The following LYAR variants were observed in gnomAD, a reference collection of about 807,000 sequenced individuals.
LYAR encodes the protein cell growth-regulating nucleolar protein.
In LYAR, 37 loss-of-function variants were observed where a neutral mutation model predicts 45.2. The ratio of observed to expected loss-of-function variants is 0.82; its 90% CI spans 0.63 to 1.08. LYAR has a LOEUF of 1.08. Among genes scored for constraint, LYAR ranks in the 50% least tolerant of loss-of-function variants. The probability of loss-of-function intolerance (pLI) is 0.00; values close to 1 mark genes in which losing one functional copy is unlikely to be tolerated. For missense variants in LYAR, 493 were observed against 451.0 expected, an observed-to-expected ratio of 1.09 and a Z score of -0.84; for synonymous variants, 176 against 155.1, an observed-to-expected ratio of 1.14 and a Z score of -1.00.
intron 8 of LYAR, among the ~76,000 whole-genome samples, chr4:4,270,775 C>T (rs10937831): frequency 0.4 from 60,189 of 152,002 alleles, 13,461 homozygotes; most frequent in South Asian, 0.57. Flanking sequence ...ACAGTGGCAA[C>T]GCCTAATATT....
intron 1 of LYAR, among the ~76,000 whole-genome samples, chr4:4,289,161 T>C (rs1161988461): frequency 6.6e-6 from 1 of 152,216 alleles, no homozygotes; most frequent in Non-Finnish European, 1.5e-5. Flanking sequence ...CCCTTGTTCC[T>C]TGCAAAAGCC....
At chr4:4,272,493 TAA>T (rs1718975508) in intron 8 of LYAR, among the ~76,000 whole-genome samples, 1 of 152,154 alleles carries the variant, frequency 6.6e-6, no homozygotes, top group Non-Finnish European at 1.5e-5. Flanking sequence ...TGAGGCACAG[TAA>T]AAGATTATCA....
chr4:4,271,263 C>G (rs983169976), intron 8 of LYAR, among the ~76,000 whole-genome samples: 1 of 152,188 alleles, frequency 6.6e-6, no homozygotes, highest in African/African-American at 2.4e-5. Context: ...TGAAAACATG[C>G]TATGCTTGTC....
At chr4:4,282,447 C>A (rs1165853461) in intron 3 of LYAR, among the ~76,000 whole-genome samples, 2 of 152,178 alleles carry the variant, frequency 1.3e-5, no homozygotes, top group African/African-American at 4.8e-5. Flanking sequence ...AGGGCAAAGT[C>A]CCCTAATGAA....
At chr4:4,288,210 C>A (rs1270356697) in intron 1 of LYAR, among the ~76,000 whole-genome samples, 1 of 152,166 alleles carries the variant, frequency 6.6e-6, no homozygotes, top group Non-Finnish European at 1.5e-5. Context: ...TTCATCCCTG[C>A]CCAATTGTAG....
intron 3 of LYAR, among the ~76,000 whole-genome samples, chr4:4,282,777 C>T (rs1051547703): frequency 2.0e-5 from 3 of 152,196 alleles, no homozygotes; most frequent in Non-Finnish European, 2.9e-5. Context: ...ACAGAGGCCT[C>T]CTCAGTGGAA....
At chr4:4,268,318 G>A (rs957524645) in intron 9 of LYAR, among the ~76,000 whole-genome samples, 1 of 152,092 alleles carries the variant, frequency 6.6e-6, no homozygotes, top group Non-Finnish European at 1.5e-5. Flanking sequence ...TTAAATAAAT[G>A]GAGCCTCTCT....
At chr4:4,273,909 A>G (rs1334332345) in intron 7 of LYAR, among the ~76,000 whole-genome samples, 1 of 152,220 alleles carries the variant, frequency 6.6e-6, no homozygotes, top group African/African-American at 2.4e-5. Flanking sequence ...CTGCCTGGCC[A>G]CAAAGCTTAT....
chr4:4,278,376 C>CAA (rs1719273080), intron 6 of LYAR, among the ~76,000 whole-genome samples: 1 of 152,174 alleles, frequency 6.6e-6, no homozygotes, highest in Admixed American at 6.5e-5. Context: ...ACAATGTAAT[C>CAA]AACAATGTGG....
chr4:4,279,834 T>A, intron 4 of LYAR, 85 bp from the exon 5 acceptor site: 1 of 841,528 alleles, frequency 1.2e-6, no homozygotes, highest in Non-Finnish European at 1.9e-6. Context: ...GTCCTTGCCA[T>A]GGCTAAAGCG....
chr4:4,273,974 T>C (rs1381728547), intron 7 of LYAR, among the ~76,000 whole-genome samples: 4 of 152,164 alleles, frequency 2.6e-5, no homozygotes, highest in African/African-American at 7.2e-5. Context: ...CGGTAGCTCA[T>C]GCCTGTAACC....
chr4:4,274,449 CT>C lies in LYAR; in HGVS notation c.749del (p.Lys250ArgfsTer38). The C allele has an allele frequency of 6.2e-7, 1 of 1,614,110 alleles. No homozygotes were observed. The highest frequency in any genetic ancestry group is 8.5e-7 in the Non-Finnish European group (1 of 1,179,978). ...CGCTGTCCTTGCGCTGCTTCTTCTT[CT>C]TGCTCCTCTTCCCTGCAGAGCCATT... The part of the protein sequence containing the change: ...EANGSAGKRS[K>X]KKKQRKDSAS... On this transcript the variant is annotated frameshift_variant, in exon 7 of 10. Coordinates refer to ENST00000343470, the MANE Select transcript of LYAR (RefSeq NM_017816.3). LOFTEE classifies it high-confidence loss of function.
At chr4:4,271,044 A>T (rs1718910661) in intron 8 of LYAR, among the ~76,000 whole-genome samples, 1 of 152,194 alleles carries the variant, frequency 6.6e-6, no homozygotes. Context: ...TAGTTATTTT[A>T]AAATGTACAA....
chr4:4,281,934 A>G, intron 3 of LYAR, 37 bp from the exon 4 acceptor site: 3 of 1,430,668 alleles, frequency 2.1e-6, no homozygotes, highest in Non-Finnish European at 3.0e-6. Context: ...TTAGACTGAT[A>G]CCCAAGTTGG....
intron 6 of LYAR, among the ~76,000 whole-genome samples, chr4:4,277,706 C>T (rs186380425): frequency 4.1e-4 from 62 of 152,314 alleles, no homozygotes; most frequent in Non-Finnish European, 7.6e-4. Flanking sequence ...TGGTGCCTAT[C>T]TCCCCCACTA....
At position 4,279,540 on chromosome 4, in the gene LYAR, A is replaced by T. The variant is rs1719315070; in HGVS notation, c.346-10T>A. ...TGTTCTTCATCCAATTCTGTAAGAA[A>T]GAAAAAGAAAAAGAACTATTGATCC... On this transcript the variant is annotated splice_polypyrimidine_tract_variant and intron_variant, in intron 5 of 9. Transcript: ENST00000343470. 1.9e-6 allele frequency: 3 copies of T among 1,595,246 alleles called. No homozygotes were observed. The highest frequency in any genetic ancestry group is 8.6e-7 in the Non-Finnish European group (1 of 1,163,220).
At chr4:4,274,005 G>T (rs113585120) in intron 7 of LYAR, among the ~76,000 whole-genome samples, 1 of 152,184 alleles carries the variant, frequency 6.6e-6, no homozygotes, top group Non-Finnish European at 1.5e-5. Flanking sequence ...GGGAGGCCGA[G>T]GGGGGCGGAT....
chr4:4,268,515 G>A lies in LYAR; in HGVS notation c.1005+15C>T. On this transcript the variant is annotated intron_variant, in intron 9 of 9. Transcript: ENST00000343470. ...CCCCAGCTGTTAGACACGTGGGTTT[G>A]TTCATATGCCATACCTTTTTCCTTA... is the stretch of plus-strand genomic sequence containing the variant. 1 of 1,573,998 alleles carries A rather than the reference G, an allele frequency of 6.4e-7. No individual in the cohort carries two copies. Among genetic ancestry groups the A allele is most frequent in the Non-Finnish European group, 8.7e-7 (1 of 1,148,264 alleles).
At chr4:4,275,575 G>C (rs539512456) in intron 6 of LYAR, among the ~76,000 whole-genome samples, 13 of 152,116 alleles carry the variant, frequency 8.5e-5, no homozygotes, top group African/African-American at 2.9e-4. Context: ...CTCCCAAGTA[G>C]CTGGGACCAC....
Sources: allele counts gnomAD v4.1 joint callset (sites outside exome capture counted in the v4.1 genomes callset), GRCh38; gene constraint gnomAD v4.1.1; transcripts MANE v1.5; gene names NCBI Gene and HGNC (gene_info 2026-07-23, HGNC 2026-07-21).